Variants in ZFAND3 observed in about 807,000 individuals in gnomAD.
ZFAND3 encodes zinc finger AN1-type containing 3.
Under a neutral mutation model 29.6 loss-of-function variants are expected in ZFAND3, and 10 were observed. The ratio of observed to expected loss-of-function variants is 0.34; its 90% CI spans 0.21 to 0.57. ZFAND3 has a LOEUF of 0.57. Among genes scored for constraint, ZFAND3 ranks in the 20% least tolerant of loss-of-function variants. The pLI is 0.86. For missense variants in ZFAND3, 230 were observed against 304.5 expected (o/e 0.76, Z 1.82); for synonymous variants, 128 against 112.6 (o/e 1.14, Z -0.87).
intron 2 of ZFAND3, among the ~76,000 whole-genome samples, chr6:37,967,749 T>C (rs1275793994): frequency 1.3e-5 from 2 of 152,194 alleles, no homozygotes; most frequent in African/African-American, 4.8e-5. Flanking sequence ...GCTAAATGAT[T>C]GGTCTTCTCT....
intron 2 of ZFAND3, among the ~76,000 whole-genome samples, chr6:37,982,977 A>C (rs1390598889): frequency 6.6e-6 from 1 of 152,238 alleles, no homozygotes; most frequent in Non-Finnish European, 1.5e-5. Flanking sequence ...AAAAAGTTTA[A>C]AAAGTAAAAC....
chr6:37,860,968 A>G (rs749816360), intron 1 of ZFAND3, among the ~76,000 whole-genome samples: 13 of 152,164 alleles, frequency 8.5e-5, no homozygotes, highest in Non-Finnish European at 1.8e-4. Flanking sequence ...TGTCTAGTTA[A>G]ATAGCATAAG....
At chr6:37,866,344 G>A (rs577986739) in intron 1 of ZFAND3, among the ~76,000 whole-genome samples, 1 of 152,136 alleles carries the variant, frequency 6.6e-6, no homozygotes, top group East Asian at 1.9e-4. Context: ...AGGTGGTTTG[G>A]TCTATATATA....
At chr6:38,135,333 T>C (rs923018996) in intron 5 of ZFAND3, among the ~76,000 whole-genome samples, 2 of 152,218 alleles carry the variant, frequency 1.3e-5, no homozygotes, top group Admixed American at 6.5e-5. Flanking sequence ...ATTGGAGAAG[T>C]GCCTAAAATA....
intron 1 of ZFAND3, among the ~76,000 whole-genome samples, chr6:37,918,001 T>C (rs937260333): frequency 6.6e-6 from 1 of 152,214 alleles, no homozygotes; most frequent in African/African-American, 2.4e-5. Flanking sequence ...TTTGTAGATG[T>C]TCTGTCGGTA....
chr6:37,873,155 C>CA (rs1258611110), intron 1 of ZFAND3, among the ~76,000 whole-genome samples: 6 of 152,292 alleles, frequency 3.9e-5, no homozygotes, highest in Non-Finnish European at 8.8e-5. Context: ...CCTGTAGTAC[C>CA]AGCTACTTGG....
Position 37,828,656 on chromosome 6 carries a change from C to CTT in ZFAND3, c.71+8649_71+8650dup, listed in dbSNP as rs56234016. On this transcript the variant is annotated intron_variant, in intron 1 of 5. Coordinates refer to ENST00000287218, the MANE Select transcript of ZFAND3 (RefSeq NM_021943.3). The stretch of plus-strand genomic sequence containing the variant: ...GGCATGGATGGTATTATTTTCTTTT[C>CTT]TTTTTTTTTTGAGACGGAGTCTCGC... Among the ~76,000 whole-genome samples, 283 of 149,462 alleles carry CTT rather than the reference C, an allele frequency of 1.9e-3. 1 individual carries two copies. Among genetic ancestry groups the CTT allele is most frequent in the African/African-American group, 5.9e-3 (239 of 40,838 alleles).
At chr6:38,132,373 G>T (rs1765759147) in intron 5 of ZFAND3, among the ~76,000 whole-genome samples, 1 of 152,196 alleles carries the variant, frequency 6.6e-6, no homozygotes. Flanking sequence ...GCCTAGTGTG[G>T]TGGCATATGC....
intron 2 of ZFAND3, among the ~76,000 whole-genome samples, chr6:37,951,810 G>A (rs1343013280): frequency 1.3e-5 from 2 of 152,080 alleles, no homozygotes; most frequent in South Asian, 2.1e-4. Context: ...TGCCTGTTTA[G>A]TATGATGTTT....
chr6:37,971,670 A>G (rs1163585131), intron 2 of ZFAND3, among the ~76,000 whole-genome samples: 3 of 152,024 alleles, frequency 2.0e-5, no homozygotes, highest in African/African-American at 7.3e-5. Flanking sequence ...GATTCTTTCC[A>G]TTGATATATC....
At chr6:38,128,498 C>T (rs921618491) in intron 5 of ZFAND3, among the ~76,000 whole-genome samples, 4 of 152,176 alleles carry the variant, frequency 2.6e-5, no homozygotes, top group Non-Finnish European at 5.9e-5. Flanking sequence ...CACCCTTTCC[C>T]CCTGAGTCTC....
rs535465877 is a variant in ZFAND3 at position 37,852,180 on chromosome 6, G to T, written c.71+32164G>T. The stretch of plus-strand genomic sequence containing the variant: ...GTTTATTTATCTCATAAAGGGAGTT[G>T]GACTAGGTAAGTGGTTCTCCATGGG... On this transcript the variant is annotated intron_variant, in intron 1 of 5. Coordinates refer to ENST00000287218, the MANE Select transcript of ZFAND3 (RefSeq NM_021943.3). Among the ~76,000 whole-genome samples, 3 of 152,292 alleles carry T rather than the reference G, an allele frequency of 2.0e-5. No homozygotes were observed. The South Asian group carries it at 6.2e-4, about 32-fold the overall frequency.
At chr6:38,124,853 C>T (rs971153532) in intron 5 of ZFAND3, among the ~76,000 whole-genome samples, 4 of 152,170 alleles carry the variant, frequency 2.6e-5, no homozygotes, top group African/African-American at 7.2e-5. Context: ...GCGAGGGCTG[C>T]GAGGGCTGCC....
chr6:38,076,646 A>G (rs1764559487), intron 3 of ZFAND3, among the ~76,000 whole-genome samples: 2 of 152,176 alleles, frequency 1.3e-5, no homozygotes, highest in African/African-American at 4.8e-5. Flanking sequence ...AGTTTTGTAA[A>G]TGGTTTAATT....
chr6:38,103,434 T>C (rs1460555653), intron 4 of ZFAND3, among the ~76,000 whole-genome samples: 2 of 66,700 alleles, frequency 3.0e-5, no homozygotes, highest in African/African-American at 1.4e-4. Context: ...CACATATATA[T>C]ACACGTGTAT....
chr6:37,881,642 C>G (rs1764898003), intron 1 of ZFAND3, among the ~76,000 whole-genome samples: 1 of 151,982 alleles, frequency 6.6e-6, no homozygotes, highest in Non-Finnish European at 1.5e-5. Context: ...TCTCCTTAGC[C>G]AAAAAGTACG....
intron 1 of ZFAND3, among the ~76,000 whole-genome samples, chr6:37,888,176 A>G (rs1765029747): frequency 6.6e-6 from 1 of 152,184 alleles, no homozygotes; most frequent in Non-Finnish European, 1.5e-5. Flanking sequence ...TCCATATATT[A>G]GAGTATGGTT....
At chr6:37,840,297 C>T (rs1764048753) in intron 1 of ZFAND3, among the ~76,000 whole-genome samples, 1 of 152,146 alleles carries the variant, frequency 6.6e-6, no homozygotes, top group Admixed American at 6.5e-5. Flanking sequence ...TGGGGTTTCA[C>T]CATGTTGCTC....
At chr6:38,004,661 A>G (rs139876203) in intron 2 of ZFAND3, among the ~76,000 whole-genome samples, 3 of 152,358 alleles carry the variant, frequency 2.0e-5, no homozygotes, top group Admixed American at 2.0e-4. Flanking sequence ...ATAATAGAAT[A>G]TGCAGAATAT....
Sources: allele counts gnomAD v4.1 joint callset (sites outside exome capture counted in the v4.1 genomes callset), GRCh38; gene constraint gnomAD v4.1.1; transcripts MANE v1.5; gene names NCBI Gene and HGNC (gene_info 2026-07-23, HGNC 2026-07-21).